The following GALNT13 variants were observed in gnomAD, a reference collection of about 807,000 sequenced individuals.
GALNT13 encodes polypeptide N-acetylgalactosaminyltransferase 13.
Under a neutral mutation model 64.2 loss-of-function variants are expected in GALNT13, and 28 were observed. That is an observed-to-expected ratio of 0.44 (90% confidence interval 0.32 to 0.60). GALNT13 has a LOEUF of 0.60. Among genes scored for constraint, GALNT13 ranks in the 20% least tolerant of loss-of-function variants. GALNT13 has a pLI of 0.05. For synonymous variants in GALNT13, 214 were observed against 224.6 expected (o/e 0.95, Z 0.42); for missense variants, 577 against 669.8 (o/e 0.86, Z 1.53).
chr2:154,414,607 A>T (rs1012019299), intron 11 of GALNT13, among the ~76,000 whole-genome samples: 1 of 151,818 alleles, frequency 6.6e-6, no homozygotes, highest in African/African-American at 2.4e-5. Flanking sequence ...TAATGATTTT[A>T]AAAACTGGCA....
chr2:153,573,917 A>G, the GALNT13 span, among the ~76,000 whole-genome samples: 2 of 152,026 alleles, frequency 1.3e-5, no homozygotes, highest in Admixed American at 6.6e-5. Context: ...TTTTCTGTGT[A>G]CTTAGCATAA....
the GALNT13 span, among the ~76,000 whole-genome samples, chr2:153,637,348 T>C: frequency 1.3e-5 from 2 of 152,168 alleles, no homozygotes; most frequent in Non-Finnish European, 2.9e-5. Context: ...TAACAGTACC[T>C]CAGGGTGAAT....
the GALNT13 span, among the ~76,000 whole-genome samples, chr2:153,525,957 G>A: frequency 6.6e-6 from 1 of 152,244 alleles, no homozygotes; most frequent in Admixed American, 6.5e-5. Flanking sequence ...CGCAGATGAG[G>A]CTCCTCTGCC....
chr2:153,944,896 T>C (rs1691602817), intron 3 of GALNT13, among the ~76,000 whole-genome samples: 1 of 152,180 alleles, frequency 6.6e-6, no homozygotes, highest in Admixed American at 6.6e-5. Flanking sequence ...GTTCTGTGAC[T>C]GTATGAAAAG....
intron 3 of GALNT13, among the ~76,000 whole-genome samples, chr2:154,127,945 C>T (rs1299962224): frequency 6.6e-6 from 1 of 151,698 alleles, no homozygotes; most frequent in Non-Finnish European, 1.5e-5. Context: ...AAGTTTATTA[C>T]TTATCCTTAG....
the GALNT13 span, among the ~76,000 whole-genome samples, chr2:153,387,153 A>G: frequency 1.3e-5 from 2 of 152,134 alleles, no homozygotes; most frequent in African/African-American, 4.8e-5. Context: ...AATTCCTGAA[A>G]GGCAACCATA....
chr2:153,665,330 C>A, the GALNT13 span, among the ~76,000 whole-genome samples: 1 of 152,094 alleles, frequency 6.6e-6, no homozygotes, highest in Non-Finnish European at 1.5e-5. Context: ...GGAAGCATGA[C>A]CAGCTGAAAA....
At chr2:154,397,834 A>G (rs964840874) in intron 10 of GALNT13, among the ~76,000 whole-genome samples, 14 of 152,156 alleles carry the variant, frequency 9.2e-5, no homozygotes, top group Admixed American at 5.9e-4. Flanking sequence ...TTCATGTGTA[A>G]TAGCATTGAT....
At chr2:153,345,299 G>A in the GALNT13 span, among the ~76,000 whole-genome samples, 1 of 152,148 alleles carries the variant, frequency 6.6e-6, no homozygotes, top group Non-Finnish European at 1.5e-5. Flanking sequence ...TGCATGTTGA[G>A]TTTGCCTGTA....
At chr2:153,268,209 G>T in the GALNT13 span, among the ~76,000 whole-genome samples, 1 of 152,158 alleles carries the variant, frequency 6.6e-6, no homozygotes. Context: ...TTACTTCCTA[G>T]ATACAATGGT....
At chr2:153,403,884 G>A in the GALNT13 span, among the ~76,000 whole-genome samples, 49 of 152,286 alleles carry the variant, frequency 3.2e-4, no homozygotes, top group African/African-American at 1.1e-3. Context: ...GAAATCACCC[G>A]TCTTCTGCGT....
chr2:153,743,516 T>A, the GALNT13 span, among the ~76,000 whole-genome samples: 1 of 63,984 alleles, frequency 1.6e-5, no homozygotes, highest in African/African-American at 3.8e-5. Flanking sequence ...TCTTTGAAGC[T>A]TTTTGTTTAT....
At chr2:153,938,205 G>A (rs1306526180) in intron 2 of GALNT13, among the ~76,000 whole-genome samples, 1 of 152,114 alleles carries the variant, frequency 6.6e-6, no homozygotes, top group Admixed American at 6.5e-5. Context: ...AGTTCACCAG[G>A]GTAACAGTTG....
intron 3 of GALNT13, among the ~76,000 whole-genome samples, chr2:154,096,515 G>A (rs1702078856): frequency 6.6e-6 from 1 of 152,022 alleles, no homozygotes; most frequent in Non-Finnish European, 1.5e-5. Flanking sequence ...CAAAGACTCA[G>A]AGACTTGCAT....
intron 3 of GALNT13, among the ~76,000 whole-genome samples, chr2:154,135,764 G>A (rs1682914236): frequency 6.6e-6 from 1 of 152,072 alleles, no homozygotes. Flanking sequence ...GAAGTTCAAG[G>A]TTGTAGTGAG....
the GALNT13 span, among the ~76,000 whole-genome samples, chr2:153,663,861 T>C: frequency 2.0e-5 from 3 of 152,196 alleles, no homozygotes; most frequent in African/African-American, 4.8e-5. Context: ...TTGTATTAAA[T>C]TAGGTGTGAT....
chr2:153,565,479 C>T, the GALNT13 span, among the ~76,000 whole-genome samples: 20 of 151,930 alleles, frequency 1.3e-4, no homozygotes, highest in South Asian at 1.7e-3. Flanking sequence ...TATGTATATG[C>T]GTGTGTGTAT....
the GALNT13 span, among the ~76,000 whole-genome samples, chr2:153,597,659 C>T: frequency 2.0e-5 from 3 of 151,892 alleles, no homozygotes; most frequent in Non-Finnish European, 4.4e-5. Flanking sequence ...AAAAATTATG[C>T]TGCAAATGAT....
intron 9 of GALNT13, among the ~76,000 whole-genome samples, chr2:154,331,058 C>A (rs1432934879): frequency 6.6e-6 from 1 of 152,004 alleles, no homozygotes; most frequent in Non-Finnish European, 1.5e-5. Flanking sequence ...ATTATGAGGA[C>A]TTTAAAACTT....
Sources: gnomAD v4.1 joint callset for allele counts (sites outside exome capture counted in the v4.1 genomes callset) on GRCh38, gnomAD v4.1.1 for gene constraint, MANE v1.5 for transcripts, NCBI Gene and HGNC (gene_info 2026-07-23, HGNC 2026-07-21) for gene names.